Variants in TNFRSF8 observed in about 807,000 individuals in gnomAD.
The protein encoded by TNFRSF8 is tumor necrosis factor receptor superfamily member 8.
Under a neutral mutation model 70.8 loss-of-function variants are expected in TNFRSF8, and 26 were observed. That is an observed-to-expected ratio of 0.37 (90% CI 0.27 to 0.51). The LOEUF (loss-of-function observed/expected upper bound fraction) is 0.51. Ranked by LOEUF, TNFRSF8 falls within the 20% of genes least tolerant of loss-of-function variation. The pLI is 0.94. For synonymous variants in TNFRSF8, 356 were observed against 339.2 expected (o/e 1.05, Z -0.54); for missense variants, 720 against 807.9 (o/e 0.89, Z 1.32).
At chr1:12,132,837 C>CAAA (rs55643235) in intron 12 of TNFRSF8, among the ~76,000 whole-genome samples, 89 of 74,196 alleles carry the variant, frequency 1.2e-3, no homozygotes, top group Non-Finnish European at 1.6e-3. Flanking sequence ...GACTCCATCT[C>CAAA]AAAAAAAAAA....
At chr1:12,130,726 G>A (rs1335129951) in intron 12 of TNFRSF8, among the ~76,000 whole-genome samples, 3 of 152,254 alleles carry the variant, frequency 2.0e-5, no homozygotes, top group African/African-American at 7.2e-5. Context: ...CTTGTGCAAG[G>A]GGGCCTGCTG....
Position 12,138,434 on chromosome 1 carries a change from T to C in TNFRSF8, c.1541T>C (p.Ile514Thr). The change falls in exon 14 of 15, where the codon ATT (isoleucine) becomes ACT (threonine). Residue 514 changes from isoleucine to threonine, a missense_variant and splice_region_variant. By Grantham distance (89) the Ile-to-Thr change is moderately conservative. Coordinates refer to ENST00000263932, the MANE Select transcript of TNFRSF8 (RefSeq NM_001243.5). This position sits in a 1 kb window ranked among gnomAD's most constrained non-coding sequence, Gnocchi z 5.7. ...TCCACGGAGCACACCAATAACAAGA[T>C]TGGTGAGTCAGCCTGTTTTGGGAGG... ...RVSTEHTNNK[I>T]EKIYIMKADT... 6.2e-7 allele frequency: 1 copy of C among 1,608,850 alleles called. No homozygotes were observed. Among genetic ancestry groups the C allele is most frequent in the Non-Finnish European group, 8.5e-7 (1 of 1,176,306 alleles).
At position 12,104,656 on chromosome 1, in the gene TNFRSF8, C is replaced by G. The variant is rs181599077; in HGVS notation, c.421+125C>G. 32 of 1,238,944 alleles carry G rather than the reference C, an allele frequency of 2.6e-5. No homozygotes were observed. In the African/African-American group the frequency reaches 3.6e-4, roughly 14 times the overall value. The allele number at this position is 1,238,944 out of a possible 1,614,324, so 76.7% of individuals were successfully genotyped here. On this transcript the variant is annotated intron_variant, in intron 4 of 14. Coordinates refer to ENST00000263932, the MANE Select transcript of TNFRSF8 (RefSeq NM_001243.5). ...CCGGAGACTGTTGGACAGATCATGT[C>G]TCCTTTGGCGATGGGCCAGGGATGT...
chr1:12,076,083 A>G (rs1640951636), intron 1 of TNFRSF8, among the ~76,000 whole-genome samples: 1 of 117,410 alleles, frequency 8.5e-6, no homozygotes. Context: ...TCTTGGTTTT[A>G]TTCTTTTTTT....
chr1:12,067,644 C>A (rs529738133), intron 1 of TNFRSF8, among the ~76,000 whole-genome samples: 15 of 151,612 alleles, frequency 9.9e-5, no homozygotes, highest in Non-Finnish European at 1.8e-4. Context: ...AGCCAGCACT[C>A]CCGCCTGGGT....
Position 12,115,722 on chromosome 1 carries a change from G to A in TNFRSF8, c.939G>A (p.Lys313=), listed in dbSNP as rs1430160773. ...TCTGTGCAGCAGAGACGGTCACCAA[G>A]CCCCAGGGTAAGCAGTTCCCACCCC... The part of the protein sequence containing the change: ...YPICAAETVT[K]PQDMAEKDTT... The change falls in exon 8 of 15, where the codon AAG becomes AAA. Residue 313 remains lysine (K), a synonymous_variant. Transcript: ENST00000263932. 3 of 1,613,970 alleles carry A rather than the reference G, an allele frequency of 1.9e-6. No homozygotes were observed. The highest frequency in any genetic ancestry group is 2.5e-6 in the Non-Finnish European group (3 of 1,179,994).
chr1:12,135,982 G>C (rs1010759319), intron 13 of TNFRSF8, among the ~76,000 whole-genome samples: 1 of 152,182 alleles, frequency 6.6e-6, no homozygotes, highest in Admixed American at 6.5e-5. Context: ...TCAGGAGGAA[G>C]ACTGTGTTCA....
intron 7 of TNFRSF8, among the ~76,000 whole-genome samples, chr1:12,114,694 CTTTTTTTTTTTTTT>C (rs542462017): frequency 0.026 from 1,983 of 77,186 alleles, 100 homozygotes; most frequent in African/African-American, 0.1. Context: ...GAAAAAAAAT[CTTTTTTTTTTTTTT>C]TTTTTTTTTT....
intron 14 of TNFRSF8, among the ~76,000 whole-genome samples, chr1:12,140,973 G>C (rs12738789): frequency 0.019 from 2,822 of 152,250 alleles, 39 homozygotes; most frequent in Non-Finnish European, 0.029. Flanking sequence ...GGTGTGGGGA[G>C]TGCTGAGGCC....
intron 1 of TNFRSF8, among the ~76,000 whole-genome samples, chr1:12,083,671 A>G (rs1392662153): frequency 6.6e-6 from 1 of 152,206 alleles, no homozygotes; most frequent in Non-Finnish European, 1.5e-5. Context: ...TGGGCAATAG[A>G]GCAAGACTCT....
chr1:12,127,245 T>C (rs1641958648), intron 12 of TNFRSF8, among the ~76,000 whole-genome samples: 1 of 152,192 alleles, frequency 6.6e-6, no homozygotes, highest in African/African-American at 2.4e-5. Flanking sequence ...GATGGGGGAA[T>C]CGTCTGAGCC....
Position 12,112,181 on chromosome 1 carries a change from C to T in TNFRSF8, c.793+167C>T, listed in dbSNP as rs1300996543. The stretch of plus-strand genomic sequence containing the variant: ...TTCCTTCCAGGAAGCGTTTGTGAAT[C>T]ACCCACCTGTTCCAAACTCGGCTCA... On this transcript the variant is annotated intron_variant, in intron 7 of 14. Coordinates refer to ENST00000263932, the MANE Select transcript of TNFRSF8 (RefSeq NM_001243.5). The surrounding 1 kb of genome is among the most constrained non-coding windows in gnomAD (Gnocchi z 5.3). Among the ~76,000 whole-genome samples the T allele has an allele frequency of 6.6e-6, 1 of 152,156 alleles. No individual in the cohort carries two copies. The highest frequency in any genetic ancestry group is 1.5e-5 in the Non-Finnish European group (1 of 68,030).
chr1:12,087,735 G>A (rs1641180053), intron 2 of TNFRSF8, among the ~76,000 whole-genome samples: 1 of 152,148 alleles, frequency 6.6e-6, no homozygotes, highest in South Asian at 2.1e-4. Context: ...TCCTCTTCTG[G>A]CCCCTTTGAC....
intron 13 of TNFRSF8, among the ~76,000 whole-genome samples, chr1:12,137,540 GT>G (rs888606541): frequency 4.6e-5 from 6 of 131,254 alleles, no homozygotes; most frequent in East Asian, 2.4e-4. Context: ...TGACATAGCT[GT>G]TTTTTTGTTT....
intron 3 of TNFRSF8, among the ~76,000 whole-genome samples, chr1:12,100,792 A>G (rs546912752): frequency 6.6e-6 from 1 of 152,232 alleles, no homozygotes; most frequent in Admixed American, 6.5e-5. Context: ...CCCCATCTCT[A>G]CTAAAAATAT....
At chr1:12,126,098 C>T in intron 11 of TNFRSF8, 46 bp downstream of exon 11, 3 of 1,611,854 alleles carry the variant, frequency 1.9e-6, no homozygotes, top group Non-Finnish European at 2.5e-6. Flanking sequence ...AGGTTGCTCT[C>T]TGCCAGCCTG....
chr1:12,113,005 CTAGT>C lies in TNFRSF8; in HGVS notation c.793+994_793+997del. ...TTTGTTGTCATTGGAGGTCTCTGTC[CTAGT>C]TACTAAGGCTGCATAGCAAATTTTC... is the stretch of plus-strand genomic sequence containing the variant. On this transcript the variant is annotated intron_variant, in intron 7 of 14. Transcript: ENST00000263932. This position sits in a 1 kb window ranked among gnomAD's most constrained non-coding sequence, Gnocchi z 4.9. 6.6e-6 allele frequency among the ~76,000 whole-genome samples: 1 copy of C among 152,356 alleles called. No individual in the cohort carries two copies. The highest frequency in any genetic ancestry group is 1.9e-4 in the East Asian group (1 of 5,194).
At chr1:12,070,192 C>T (rs1319290723) in intron 1 of TNFRSF8, among the ~76,000 whole-genome samples, 1 of 151,968 alleles carries the variant, frequency 6.6e-6, no homozygotes. Context: ...GAGCAGGAAG[C>T]CAGGTCATTG....
chr1:12,141,004 T>TG lies in TNFRSF8; in HGVS notation c.1544-1278dup, dbSNP rs1642243290. On this transcript the variant is annotated intron_variant, in intron 14 of 14. Coordinates refer to ENST00000263932, the MANE Select transcript of TNFRSF8 (RefSeq NM_001243.5). This position sits in a 1 kb window ranked among gnomAD's most constrained non-coding sequence, Gnocchi z 5.4. ...AGGCCCTGCTCTGTTTTGGGGTCTG[T>TG]GGGGGCGCCCAGCCCATAGCCTGTC... 1.3e-5 allele frequency among the ~76,000 whole-genome samples: 2 copies of TG among 152,174 alleles called. No homozygotes were observed. The highest frequency in any genetic ancestry group is 4.1e-4 in the South Asian group (2 of 4,822).
Sources: gnomAD v4.1 joint callset for allele counts (sites outside exome capture counted in the v4.1 genomes callset) on GRCh38, gnomAD v4.1.1 for gene constraint, Gnocchi (gnomAD v3.1) non-coding constraint, MANE v1.5 for transcripts, NCBI Gene and HGNC (gene_info 2026-07-23, HGNC 2026-07-21) for gene names.